ALG12: variants seen among roughly 807,000 people sequenced by gnomAD.
ALG12 encodes the protein ALG12 alpha-1,6-mannosyltransferase.
In ALG12, 36 loss-of-function variants were observed where a neutral mutation model predicts 46.0. The observed-to-expected ratio is 0.78, with a 90% confidence interval of 0.60 to 1.03. The LOEUF (loss-of-function observed/expected upper bound fraction) is 1.03, where lower values mean the gene tolerates loss of function less well. Among genes scored for constraint, ALG12 ranks in the 50% least tolerant of loss-of-function variants. The pLI is 0.00. For synonymous variants in ALG12, 326 were observed against 291.6 expected, an observed-to-expected ratio of 1.12 and a Z score of -1.20; for missense variants, 599 against 633.5, an observed-to-expected ratio of 0.95 and a Z score of 0.58.
In ALG12 at chr22:49,913,716, A is replaced by G; in HGVS notation, c.50T>C (p.Leu17Pro). 3.1e-6 allele frequency: 5 copies of G among 1,613,332 alleles called. 1 individual carries two copies. The South Asian group carries it at 3.3e-5, about 11-fold the overall frequency. ...SGRRPLLLGL[L>P]VAVATVHLVI... ...CAGGTGGACAGTGGCTACGGCCACC[A>G]GCAGCCCCAGCAGCAGGGGCCGCCT... The change falls in exon 2 of 10, where the codon CTG becomes CCG. Residue 17 changes from leucine (L) to proline (P), a missense_variant. Physicochemically the swap from Leu to Pro is moderately conservative, Grantham distance 98. Coordinates refer to ENST00000330817, the MANE Select transcript of ALG12 (RefSeq NM_024105.4).
At chr22:49,894,096 C>T in the ALG12 span, among the ~76,000 whole-genome samples, 9 of 152,178 alleles carry the variant, frequency 5.9e-5, no homozygotes, top group South Asian at 2.1e-4. Context: ...ACCCAGGAGG[C>T]GGAGGTTGCA....
intron 1 of ALG12, among the ~76,000 whole-genome samples, 152 bp from the exon 2 acceptor site, chr22:49,913,995 G>GA (rs1399280940): frequency 2.6e-5 from 4 of 152,348 alleles, no homozygotes; most frequent in Middle Eastern, 3.4e-3. Context: ...AAAGTTTGGA[G>GA]AAAAAATCAC....
the ALG12 span, among the ~76,000 whole-genome samples, chr22:49,867,520 C>T: frequency 6.6e-6 from 1 of 152,282 alleles, no homozygotes; most frequent in East Asian, 1.9e-4. Flanking sequence ...GAGTTTTTGC[C>T]CCAGAAAGAA....
chr22:49,914,205 G>A (rs1025930671), intron 1 of ALG12, among the ~76,000 whole-genome samples: 3 of 152,208 alleles, frequency 2.0e-5, no homozygotes, highest in African/African-American at 7.2e-5. Flanking sequence ...TTGGCCCCGA[G>A]GGAACCGGCT....
At chr22:49,873,342 A>G in the ALG12 span, among the ~76,000 whole-genome samples, 3 of 152,158 alleles carry the variant, frequency 2.0e-5, no homozygotes, top group African/African-American at 4.8e-5. Context: ...GGGAAGAGGG[A>G]GGCTGGAGGA....
intron 3 of ALG12, among the ~76,000 whole-genome samples, chr22:49,911,009 AG>A (rs2060573611): frequency 6.6e-6 from 1 of 152,330 alleles, no homozygotes; most frequent in Non-Finnish European, 1.5e-5. Flanking sequence ...GGGATGTGGC[AG>A]GAACACAGGC....
At chr22:49,872,985 C>T in the ALG12 span, among the ~76,000 whole-genome samples, 2 of 152,134 alleles carry the variant, frequency 1.3e-5, no homozygotes, top group African/African-American at 4.8e-5. Flanking sequence ...CGTGAACTAC[C>T]GCGCCCAGCC....
At position 49,902,447 on chromosome 22, in the gene ALG12, CTGTGTATGCAT is replaced by C. The variant is rs2060516709; in HGVS notation, c.*1380_*1390del. The stretch of plus-strand genomic sequence containing the variant: ...TATGCATGGTGTGTGCACGTGTGCA[CTGTGTATGCAT>C]GGTGTGTGCACGTGTGCACTGTGTG... On this transcript the variant is annotated 3_prime_UTR_variant, in exon 10 of 10. Transcript: ENST00000330817. 1.8e-5 allele frequency: 2 copies of C among 111,618 alleles called. No individual in the cohort carries two copies. The highest frequency in any genetic ancestry group is 2.7e-4 in the East Asian group (1 of 3,772). 6.9% of individuals were successfully genotyped at this position (111,618 alleles called of 1,614,324 possible).
the ALG12 span, among the ~76,000 whole-genome samples, chr22:49,872,224 C>G: frequency 1.3e-5 from 2 of 152,210 alleles, no homozygotes; most frequent in East Asian, 3.8e-4. Flanking sequence ...TCTTTATTGT[C>G]ATTTTAACAG....
the ALG12 span, among the ~76,000 whole-genome samples, chr22:49,892,714 C>T: frequency 6.6e-6 from 1 of 152,180 alleles, no homozygotes; most frequent in Non-Finnish European, 1.5e-5. Flanking sequence ...TGGCTTGAGC[C>T]ATCTCAGCCT....
chr22:49,909,960 C>T lies in ALG12; in HGVS notation c.598G>A (p.Gly200Ser), dbSNP rs2060566090. 2 of 1,613,966 alleles carry T rather than the reference C, an allele frequency of 1.2e-6. No individual in the cohort carries two copies. The highest frequency in any genetic ancestry group is 1.7e-5 in the Admixed American group (1 of 60,012). ...FLGLLLLLAL[G>S]NRKVSVVRAL... ...CTGACTACAGAAACCTTTCGGTTGC[C>T]CAAGGCCAGCAGCAGCAGGAGGCCC... Residue 200 changes from glycine (G) to serine (S), a missense_variant, in exon 5 of 10, where the codon GGC becomes AGC. Physicochemically the swap from Gly to Ser is moderately conservative, Grantham distance 56 (BLOSUM62 0). Coordinates refer to ENST00000330817, the MANE Select transcript of ALG12 (RefSeq NM_024105.4).
chr22:49,913,455 T>C lies in ALG12; in HGVS notation c.225A>G (p.Ala75=), dbSNP rs1315212303. ...PRTFLGPVVI[A]VFSSPAVYVL... is the part of the protein sequence containing the mutation. ...CGTAAACCGCGGGGCTGGAGAACACTGCGATCACCACTGGCCCGAGGAACG... is the reference window on the plus strand; with the variant it reads ...CGTAAACCGCGGGGCTGGAGAACACCGCGATCACCACTGGCCCGAGGAACG... The change falls in exon 3 of 10, where the codon GCA becomes GCG. Residue 75 remains alanine (A), a synonymous_variant. Coordinates refer to ENST00000330817, the MANE Select transcript of ALG12 (RefSeq NM_024105.4). The C allele has an allele frequency of 1.9e-6, 3 of 1,614,002 alleles. No individual in the cohort carries two copies. Among genetic ancestry groups the C allele is most frequent in the Admixed American group, 1.7e-5 (1 of 60,032 alleles).
the ALG12 span, among the ~76,000 whole-genome samples, chr22:49,891,063 G>A: frequency 1.3e-5 from 2 of 151,696 alleles, no homozygotes; most frequent in South Asian, 4.2e-4. Flanking sequence ...TGGCCCTCCA[G>A]AAAGTCAACA....
the ALG12 span, among the ~76,000 whole-genome samples, chr22:49,871,416 C>T: frequency 3.4e-4 from 52 of 151,880 alleles, no homozygotes; most frequent in Middle Eastern, 3.4e-3. Context: ...ACTTGGGAGG[C>T]GAAGCTTACA....
downstream of ALG12, among the ~76,000 whole-genome samples, chr22:49,896,847 G>T (rs2060485275): frequency 1.3e-5 from 2 of 151,440 alleles, no homozygotes; most frequent in African/African-American, 4.9e-5. Flanking sequence ...CGCCATGTTT[G>T]CCAGGCTGGT....
At chr22:49,892,923 C>T in the ALG12 span, among the ~76,000 whole-genome samples, 1 of 152,080 alleles carries the variant, frequency 6.6e-6, no homozygotes, top group Non-Finnish European at 1.5e-5. Flanking sequence ...ACAGGTGATC[C>T]AAATACTGGA....
intron 6 of ALG12, 131 bp from the exon 7 acceptor site, chr22:49,908,075 G>A (rs2060553904): frequency 3.3e-6 from 3 of 895,542 alleles, no homozygotes. Flanking sequence ...CGGCTCGTGT[G>A]CACAGACACC....
chr22:49,882,449 T>A, the ALG12 span, among the ~76,000 whole-genome samples: 298 of 152,368 alleles, frequency 2.0e-3, 2 homozygotes, highest in Middle Eastern at 0.014. Flanking sequence ...TTCTAGAGTC[T>A]GGTTTTATTA....
chr22:49,862,864 G>T, the ALG12 span, among the ~76,000 whole-genome samples: 2 of 151,838 alleles, frequency 1.3e-5, no homozygotes, highest in Non-Finnish European at 2.9e-5. Context: ...ACCACGCCTG[G>T]CTAATTTTTG....
Sources: gnomAD v4.1 joint callset for allele counts (sites outside exome capture counted in the v4.1 genomes callset) on GRCh38, gnomAD v4.1.1 for gene constraint, MANE v1.5 for transcripts, NCBI Gene and HGNC (gene_info 2026-07-23, HGNC 2026-07-21) for gene names.